CAP1: variants seen among roughly 807,000 people sequenced by gnomAD.
CAP1 encodes adenylyl cyclase-associated protein 1.
Under a neutral mutation model 58.2 loss-of-function variants are expected in CAP1, and 11 were observed. The ratio of observed to expected loss-of-function variants is 0.19; its 90% CI spans 0.12 to 0.31. CAP1 has a LOEUF of 0.31. Among genes scored for constraint, CAP1 ranks in the 10% least tolerant of loss-of-function variants. CAP1 has a pLI of 1.00. For missense variants in CAP1, 423 were observed against 587.5 expected (o/e 0.72, Z 2.89); for synonymous variants, 183 against 213.8 (o/e 0.86, Z 1.26).
chr1:40,067,858 C>G (rs1216678884), intron 8 of CAP1, 141 bp downstream of exon 8: 1 of 574,146 alleles, frequency 1.7e-6, no homozygotes, highest in African/African-American at 2.0e-5. Context: ...TAAGGGACGG[C>G]AAAGCTGGCT....
intron 4 of CAP1, 138 bp from the exon 5 acceptor site, chr1:40,064,089 A>C (rs951060143): frequency 1.3e-6 from 1 of 741,038 alleles, no homozygotes; most frequent in African/African-American, 1.8e-5. Context: ...TTTTAGCCTT[A>C]GGAATCAGGA....
chr1:40,066,671 A>G (rs1647100282), intron 7 of CAP1, among the ~76,000 whole-genome samples: 1 of 152,224 alleles, frequency 6.6e-6, no homozygotes. Flanking sequence ...ATGCTATAAT[A>G]AAGATACAGA....
chr1:40,062,631 G>A (rs572152659), intron 4 of CAP1, among the ~76,000 whole-genome samples: 1 of 152,132 alleles, frequency 6.6e-6, no homozygotes, highest in African/African-American at 2.4e-5. Context: ...CAGGCAAGGT[G>A]GTGCATGCGT....
Position 40,072,099 on chromosome 1 carries a change from C to A in CAP1, c.*566C>A. 1 of 401,836 alleles carries A rather than the reference C, an allele frequency of 2.5e-6. No homozygotes were observed. The highest frequency in any genetic ancestry group is 1.2e-4 in the South Asian group (1 of 8,134). 24.9% of individuals were successfully genotyped at this position (401,836 alleles called of 1,614,324 possible). On this transcript the variant is annotated 3_prime_UTR_variant, in exon 13 of 13. Transcript: ENST00000372805. Reference sequence around the variant, plus strand: ...ATAAGCATTCCTTTTATTCTCTATTCTATCCTGGGTCTGCCTCAACCGTGA... The same window carrying A: ...ATAAGCATTCCTTTTATTCTCTATTATATCCTGGGTCTGCCTCAACCGTGA...
At position 40,067,580 on chromosome 1, in the gene CAP1, C is replaced by T; in HGVS notation, c.671C>T (p.Pro224Leu). Residue 224 changes from proline to leucine, a missense_variant, in exon 8 of 13, where the codon CCC becomes CTC. Pro to Leu is a moderately conservative substitution (Grantham distance 98). Coordinates refer to ENST00000372805, the MANE Select transcript of CAP1 (RefSeq NM_006367.4). Reference protein sequence around the residue: ...AKELSGLPSGPSAGSCPPPPP... With the variant: ...AKELSGLPSGLSAGSCPPPPP... ...GAACTGAGCGGACTGCCATCTGGACCCTCTGCCGGATCATGTCCTCCTCCC... is the reference window on the plus strand; with the variant it reads ...GAACTGAGCGGACTGCCATCTGGACTCTCTGCCGGATCATGTCCTCCTCCC... 1 of 1,610,136 alleles carries T rather than the reference C, an allele frequency of 6.2e-7. No individual in the cohort carries two copies. The highest frequency in any genetic ancestry group is 1.1e-5 in the South Asian group (1 of 90,882).
chr1:40,058,914 C>G (rs1453655223), intron 1 of CAP1, among the ~76,000 whole-genome samples: 1 of 152,106 alleles, frequency 6.6e-6, no homozygotes, highest in Non-Finnish European at 1.5e-5. Flanking sequence ...TTTAGCTTCA[C>G]TGAAACTAAG....
At chr1:40,064,108 A>AT in intron 4 of CAP1, 119 bp from the exon 5 acceptor site, 1 of 869,154 alleles carries the variant, frequency 1.2e-6, no homozygotes, top group Admixed American at 2.2e-5. Context: ...GACAGGACTC[A>AT]TGCAGTTTAT....
chr1:40,062,540 A>G (rs1259194856), intron 4 of CAP1, among the ~76,000 whole-genome samples: 1 of 152,150 alleles, frequency 6.6e-6, no homozygotes, highest in African/African-American at 2.4e-5. Flanking sequence ...ACTTGAGGCC[A>G]GGAGTTTGAG....
chr1:40,062,244 C>T (rs1262914335), intron 4 of CAP1, among the ~76,000 whole-genome samples: 3 of 151,992 alleles, frequency 2.0e-5, no homozygotes, highest in Admixed American at 2.0e-4. Context: ...ATTTTACTCC[C>T]ACCTCAAAAT....
At position 40,067,581 on chromosome 1, in the gene CAP1, C is replaced by T. The variant is rs373208004; in HGVS notation, c.672C>T (p.Pro224=). 6 of 1,610,206 alleles carry T rather than the reference C, an allele frequency of 3.7e-6. No homozygotes were observed. The African/African-American group carries it at 8.0e-5, about 22-fold the overall frequency. The change falls in exon 8 of 13, where the codon CCC becomes CCT. Residue 224 remains proline (P), a synonymous_variant. Transcript: ENST00000372805. ...AKELSGLPSG[P]SAGSCPPPPP... ...AACTGAGCGGACTGCCATCTGGACC[C>T]TCTGCCGGATCATGTCCTCCTCCCC...
rs1403212091 is a variant in CAP1 at position 40,072,196 on chromosome 1, CCTTT to C, written c.*670_*673del. 2.0e-5 allele frequency: 8 copies of C among 394,906 alleles called. No homozygotes were observed. The East Asian group carries it at 2.9e-4, about 14-fold the overall frequency. The allele number at this position is 394,906 out of a possible 1,614,324, so 24.5% of individuals were successfully genotyped here. The stretch of plus-strand genomic sequence containing the variant: ...CAGGGCAGTTAATGGAGTCTTGGAC[CCTTT>C]CTTTCTCTGGGATCCCTGCCCAGCA... On this transcript the variant is annotated 3_prime_UTR_variant, in exon 13 of 13. Transcript: ENST00000372805.
In CAP1 at chr1:40,067,346, T is replaced by C. The variant is rs1647132531; in HGVS notation, c.631-194T>C. The C allele has an allele frequency of 1.5e-5, 7 of 479,936 alleles. No homozygotes were observed. In the South Asian group the frequency reaches 2.7e-4, roughly 19 times the overall value. The allele number at this position is 479,936 out of a possible 1,614,324, so 29.7% of individuals were successfully genotyped here. On this transcript the variant is annotated intron_variant, in intron 7 of 12. Coordinates refer to ENST00000372805, the MANE Select transcript of CAP1 (RefSeq NM_006367.4). The stretch of plus-strand genomic sequence containing the variant: ...AAGGCAAAATGTGATGGTCAAGAAA[T>C]AGAACTGAGAGCTGGATCCTTGGGA...
chr1:40,045,283 C>G (rs1399275045), intron 1 of CAP1, among the ~76,000 whole-genome samples: 2 of 152,178 alleles, frequency 1.3e-5, no homozygotes, highest in African/African-American at 4.8e-5. Context: ...TATGATTGTA[C>G]AATGTCCCCA....
Position 40,072,279 on chromosome 1 carries a change from G to T in CAP1, c.*746G>T, listed in dbSNP as rs1282849577. ...AAAAAAAAAAAAAAAAAACCCACAT[G>T]ATTTCAAGGAGTCTGGCATTCCTGA... On this transcript the variant is annotated 3_prime_UTR_variant, in exon 13 of 13. Coordinates refer to ENST00000372805, the MANE Select transcript of CAP1 (RefSeq NM_006367.4). 7.9e-6 allele frequency: 3 copies of T among 378,454 alleles called. No individual in the cohort carries two copies. Among genetic ancestry groups the T allele is most frequent in the Non-Finnish European group, 1.4e-5 (3 of 216,328 alleles). 23.4% of individuals were successfully genotyped at this position (378,454 alleles called of 1,614,324 possible). A position where few individuals can be genotyped will look rare whatever the true frequency, so the allele number is the denominator to read the frequency against.
intron 1 of CAP1, among the ~76,000 whole-genome samples, chr1:40,046,185 G>A (rs1316852679): frequency 6.6e-6 from 1 of 152,156 alleles, no homozygotes; most frequent in African/African-American, 2.4e-5. Context: ...GCTGGGCGTG[G>A]TGATTCACGC....
chr1:40,040,482 A>C (rs916349355), upstream of CAP1: 1 of 152,390 alleles, frequency 6.6e-6, no homozygotes, highest in East Asian at 1.9e-4. Flanking sequence ...GTAAAGCGGA[A>C]CGAGGGCGTG....
At chr1:40,061,075 G>A (rs775278547) in intron 3 of CAP1, among the ~76,000 whole-genome samples, 19 of 151,518 alleles carry the variant, frequency 1.3e-4, no homozygotes, top group African/African-American at 4.1e-4. Flanking sequence ...TTTTGACTGC[G>A]AATGACCCTT....
chr1:40,067,700 G>A lies in CAP1; in HGVS notation c.791G>A (p.Gly264Glu). Reference protein sequence around the residue: ...RSSLFAQINQGESITHALKHV... With the variant: ...RSSLFAQINQEESITHALKHV... ...TCACTGTTCGCGCAGATTAATCAGG[G>A]GGAGAGCATTACACATGGTGAGTGA... The change falls in exon 8 of 13, where the codon GGG becomes GAG. Residue 264 changes from glycine (G) to glutamate (E), a missense_variant. Gly to Glu is a moderately conservative substitution (Grantham distance 98). Transcript: ENST00000372805. 1.2e-6 allele frequency: 2 copies of A among 1,601,520 alleles called. No homozygotes were observed. The highest frequency in any genetic ancestry group is 1.7e-6 in the Non-Finnish European group (2 of 1,173,704).
At chr1:40,058,663 A>G (rs916612116) in intron 1 of CAP1, among the ~76,000 whole-genome samples, 2 of 152,132 alleles carry the variant, frequency 1.3e-5, no homozygotes, top group African/African-American at 2.4e-5. Flanking sequence ...TGGAGCTTGC[A>G]GTGAGCTGAG....
Sources: gnomAD v4.1 joint callset for allele counts (sites outside exome capture counted in the v4.1 genomes callset) on GRCh38, gnomAD v4.1.1 for gene constraint, MANE v1.5 for transcripts, NCBI Gene and HGNC (gene_info 2026-07-23, HGNC 2026-07-21) for gene names.